PDGFRL: variants seen among roughly 807,000 people sequenced by gnomAD.
PDGFRL encodes the protein platelet derived growth factor receptor like.
A neutral mutation model predicts 37.2 loss-of-function variants in PDGFRL; 46 were observed. The ratio of observed to expected loss-of-function variants is 1.24; its 90% CI spans 0.98 to 1.58. PDGFRL has a LOEUF of 1.58. Among genes scored for constraint, PDGFRL ranks in the 40% most tolerant of loss-of-function variants. PDGFRL has a pLI of 0.00. For synonymous variants in PDGFRL, 251 were observed against 184.3 expected, an observed-to-expected ratio of 1.36 and a Z score of -2.93; for missense variants, 692 against 467.6, an observed-to-expected ratio of 1.48 and a Z score of -4.43.
chr8:17,597,507 C>G (rs968343363), intron 2 of PDGFRL, among the ~76,000 whole-genome samples: 1 of 151,746 alleles, frequency 6.6e-6, no homozygotes, highest in Admixed American at 6.6e-5. Flanking sequence ...AACTTTAGAG[C>G]TCTAGGAAGT....
At chr8:17,623,462 T>A (rs2588104) in intron 3 of PDGFRL, among the ~76,000 whole-genome samples, 1 of 152,186 alleles carries the variant, frequency 6.6e-6, no homozygotes, top group South Asian at 2.1e-4. Context: ...AATGACTGAT[T>A]CCACATTTCA....
intron 1 of PDGFRL, 80 bp from the exon 2 acceptor site, chr8:17,589,388 A>G: frequency 2.1e-6 from 2 of 935,240 alleles, no homozygotes; most frequent in Non-Finnish European, 3.1e-6. Flanking sequence ...TCTGTCTCAA[A>G]AAAAAAAAAA....
intron 2 of PDGFRL, among the ~76,000 whole-genome samples, chr8:17,592,938 ACACACACACAC>A: frequency 1.2e-5 from 1 of 82,644 alleles, no homozygotes; most frequent in African/African-American, 3.4e-5. Context: ...ACACACACAC[ACACACACACAC>A]ACTACTCTAC....
intron 1 of PDGFRL, among the ~76,000 whole-genome samples, chr8:17,582,614 T>C (rs148462245): frequency 6.8e-6 from 1 of 146,494 alleles, no homozygotes; most frequent in East Asian, 2.0e-4. Context: ...AGGCTCAAGA[T>C]CAATTACAGC....
chr8:17,592,916 G>GCA (rs140137425), intron 2 of PDGFRL, among the ~76,000 whole-genome samples: 1,668 of 29,548 alleles, frequency 0.056, 36 homozygotes, highest in African/African-American at 0.062. Context: ...CCACATACAT[G>GCA]CACACACACA....
At chr8:17,606,688 G>C (rs1204529649) in intron 2 of PDGFRL, among the ~76,000 whole-genome samples, 3 of 74,884 alleles carry the variant, frequency 4.0e-5, no homozygotes, top group African/African-American at 1.2e-4. Flanking sequence ...ACACAGCTAT[G>C]TTCCGTTCAG....
intron 2 of PDGFRL, among the ~76,000 whole-genome samples, chr8:17,619,143 C>A (rs2129756151): frequency 6.6e-6 from 1 of 152,338 alleles, no homozygotes; most frequent in Non-Finnish European, 1.5e-5. Context: ...ACTGCAGAAT[C>A]TCAGCTACAT....
intron 2 of PDGFRL, among the ~76,000 whole-genome samples, chr8:17,619,904 T>C (rs1420888162): frequency 1.3e-5 from 2 of 152,200 alleles, no homozygotes; most frequent in African/African-American, 4.8e-5. Context: ...TGACATTTAT[T>C]ATTTCCTTTG....
chr8:17,601,984 G>A (rs1180408935), intron 2 of PDGFRL, among the ~76,000 whole-genome samples: 1 of 152,140 alleles, frequency 6.6e-6, no homozygotes, highest in Admixed American at 6.5e-5. Flanking sequence ...ATACATACTT[G>A]GTAATGGGAT....
At chr8:17,605,439 C>A (rs547835365) in intron 2 of PDGFRL, among the ~76,000 whole-genome samples, 6 of 152,168 alleles carry the variant, frequency 3.9e-5, no homozygotes, top group African/African-American at 1.2e-4. Flanking sequence ...ATCTGAATAA[C>A]CCCTGCTGGG....
intron 2 of PDGFRL, among the ~76,000 whole-genome samples, chr8:17,612,396 G>A (rs565495818): frequency 2.6e-5 from 4 of 150,982 alleles, no homozygotes; most frequent in Admixed American, 1.3e-4. Flanking sequence ...TTTTGAGACA[G>A]TGTCTCACTC....
chr8:17,600,704 G>A (rs1348498362), intron 2 of PDGFRL, among the ~76,000 whole-genome samples: 5 of 151,758 alleles, frequency 3.3e-5, no homozygotes, highest in Non-Finnish European at 7.4e-5. Context: ...TCAGGATGCT[G>A]TGGTGAGAAG....
At chr8:17,631,298 C>T (rs1207804178) in intron 4 of PDGFRL, among the ~76,000 whole-genome samples, 1 of 152,160 alleles carries the variant, frequency 6.6e-6, no homozygotes, top group East Asian at 1.9e-4. Flanking sequence ...TCCGAGAACT[C>T]TCACCTTGAC....
At chr8:17,620,266 T>C (rs1020730464) in intron 2 of PDGFRL, among the ~76,000 whole-genome samples, 1 of 152,194 alleles carries the variant, frequency 6.6e-6, no homozygotes, top group Non-Finnish European at 1.5e-5. Flanking sequence ...AACACATTCT[T>C]TTTTTTGAAA....
intron 2 of PDGFRL, among the ~76,000 whole-genome samples, chr8:17,602,764 G>A (rs1804193414): frequency 6.6e-6 from 1 of 151,994 alleles, no homozygotes; most frequent in African/African-American, 2.4e-5. Flanking sequence ...GCAAAACCCT[G>A]TCATGAGAAG....
At chr8:17,607,692 G>C (rs1804312634) in intron 2 of PDGFRL, among the ~76,000 whole-genome samples, 1 of 152,162 alleles carries the variant, frequency 6.6e-6, no homozygotes, top group African/African-American at 2.4e-5. Flanking sequence ...GTATACATGT[G>C]GGTGACGTCT....
chr8:17,633,743 C>G (rs1017691777), intron 4 of PDGFRL, among the ~76,000 whole-genome samples: 1 of 152,188 alleles, frequency 6.6e-6, no homozygotes, highest in Non-Finnish European at 1.5e-5. Flanking sequence ...TACTTCCTCC[C>G]TGCTTCTTCC....
chr8:17,611,566 G>C (rs1269209963), intron 2 of PDGFRL, among the ~76,000 whole-genome samples: 2 of 152,128 alleles, frequency 1.3e-5, no homozygotes, highest in African/African-American at 4.8e-5. Flanking sequence ...GGAAAGAGAT[G>C]CGTGGAGGGC....
At chr8:17,623,894 C>G (rs1434773966) in intron 3 of PDGFRL, among the ~76,000 whole-genome samples, 1 of 144,628 alleles carries the variant, frequency 6.9e-6, no homozygotes, top group Non-Finnish European at 1.5e-5. Context: ...AATACGGGCT[C>G]TCTTTGAGTT....
Sources: gnomAD v4.1 joint callset for allele counts (sites outside exome capture counted in the v4.1 genomes callset) on GRCh38, gnomAD v4.1.1 for gene constraint, MANE v1.5 for transcripts, NCBI Gene and HGNC (gene_info 2026-07-23, HGNC 2026-07-21) for gene names.